PCDHA11: variants seen among roughly 807,000 people sequenced by gnomAD.
PCDHA11 encodes the protein protocadherin alpha-11.
PCDHA11 carries 61 observed loss-of-function variants against 70.3 expected under a neutral mutation model. That is an observed-to-expected ratio of 0.87 (90% CI 0.71 to 1.07). The LOEUF (loss-of-function observed/expected upper bound fraction) is 1.07. Among genes scored for constraint, PCDHA11 ranks in the 50% least tolerant of loss-of-function variants. PCDHA11 has a pLI of 0.00. For missense variants in PCDHA11, 1,324 were observed against 1,237.5 expected (o/e 1.07, Z -1.05); for synonymous variants, 633 against 555.1 (o/e 1.14, Z -1.97).
chr5:141,003,343 GCT>G (rs1554259027), intron 3 of PCDHA11, among the ~76,000 whole-genome samples: 1 of 152,198 alleles, frequency 6.6e-6, no homozygotes, highest in Non-Finnish European at 1.5e-5. Context: ...TTGTTTGTTT[GCT>G]CTGTCACCCA....
At chr5:140,975,200 C>T (rs1469690831) in intron 1 of PCDHA11, among the ~76,000 whole-genome samples, 1 of 152,224 alleles carries the variant, frequency 6.6e-6, no homozygotes, top group Non-Finnish European at 1.5e-5. Context: ...GCTCCATCTT[C>T]ATGGCTGGCA....
At position 140,868,967 on chromosome 5, in the gene PCDHA11, AC is replaced by A; in HGVS notation, c.-136del. The A allele has an allele frequency of 7.0e-7, 1 of 1,435,870 alleles. No homozygotes were observed. The highest frequency in any genetic ancestry group is 1.4e-5 in the African/African-American group (1 of 70,244). 88.9% of individuals were successfully genotyped at this position (1,435,870 alleles called of 1,614,324 possible). On this transcript the variant is annotated 5_prime_UTR_variant, in exon 1 of 4. Coordinates refer to ENST00000398640, the MANE Select transcript of PCDHA11 (RefSeq NM_018902.5). ...CAGTGAGGCACTCCCATACAAAGGAACTCCATCATACCGGATGCCACCGTTT... is the reference window on the plus strand; with the variant it reads ...CAGTGAGGCACTCCCATACAAAGGAATCCATCATACCGGATGCCACCGTTT...
intron 3 of PCDHA11, among the ~76,000 whole-genome samples, chr5:141,007,904 T>C (rs1397513381): frequency 6.6e-6 from 1 of 152,278 alleles, no homozygotes; most frequent in African/African-American, 2.4e-5. Flanking sequence ...TTGTTCTTTG[T>C]TGAAGATGCT....
intron 1 of PCDHA11, among the ~76,000 whole-genome samples, chr5:140,931,914 A>C (rs1374173998): frequency 1.3e-5 from 2 of 151,960 alleles, no homozygotes; most frequent in Admixed American, 1.3e-4. Context: ...AAAGCATGAC[A>C]TTTAACAATG....
chr5:140,905,215 AAGGTG>A (rs2071683869), intron 1 of PCDHA11, among the ~76,000 whole-genome samples: 1 of 152,186 alleles, frequency 6.6e-6, no homozygotes, highest in Non-Finnish European at 1.5e-5. Flanking sequence ...ATTTTTGTGT[AAGGTG>A]AGAGATGAGG....
At chr5:140,996,503 G>A (rs1306027159) in intron 3 of PCDHA11, among the ~76,000 whole-genome samples, 1 of 152,120 alleles carries the variant, frequency 6.6e-6, no homozygotes, top group African/African-American at 2.4e-5. Context: ...TGGCTTCTTG[G>A]GGCCCAGCAT....
rs781870271 is a variant in PCDHA11, at chr5:140,968,199, T to C, written c.2392-10750T>C. The C allele has an allele frequency of 4.3e-6, 7 of 1,613,986 alleles. No homozygotes were observed. The South Asian group carries it at 7.7e-5, about 18-fold the overall frequency. The stretch of plus-strand genomic sequence containing the variant: ...CTGGAGGACTCCTATTCCATCTACA[T>C]ACAGGAGAACAATTTGCCAGGTGTG... On this transcript the variant is annotated intron_variant, in intron 1 of 3. Transcript: ENST00000398640.
At chr5:140,897,566 A>C (rs1461105293) in intron 1 of PCDHA11, among the ~76,000 whole-genome samples, 1 of 151,760 alleles carries the variant, frequency 6.6e-6, no homozygotes, top group Non-Finnish European at 1.5e-5. Flanking sequence ...TATGTGCCAC[A>C]TTTTCTTAAT....
At chr5:140,991,320 A>G (rs1563572656) in intron 3 of PCDHA11, among the ~76,000 whole-genome samples, 1 of 152,216 alleles carries the variant, frequency 6.6e-6, no homozygotes, top group Non-Finnish European at 1.5e-5. Context: ...CGCATGATAC[A>G]TGAAGGGAAT....
chr5:140,971,392 T>C (rs1399891976), intron 1 of PCDHA11, among the ~76,000 whole-genome samples: 1 of 152,154 alleles, frequency 6.6e-6, no homozygotes, highest in East Asian at 1.9e-4. Flanking sequence ...TAAAGGCAAA[T>C]TTCTGCCAGG....
At chr5:140,948,395 T>C (rs1317288202) in intron 1 of PCDHA11, among the ~76,000 whole-genome samples, 1 of 151,580 alleles carries the variant, frequency 6.6e-6, no homozygotes, top group African/African-American at 2.4e-5. Context: ...TTCTGAAAGG[T>C]TGTGTAATAT....
At chr5:140,924,895 AAAAAAAAAAATAAAATAAAATAAAAT>A (rs1157767234) in intron 1 of PCDHA11, among the ~76,000 whole-genome samples, 8 of 132,230 alleles carry the variant, frequency 6.1e-5, no homozygotes, top group East Asian at 2.1e-4. Flanking sequence ...AACCTGTCTC[AAAAAAAAAAATAAAATAAAATAAAAT>A]AAAATAAAAT....
intron 1 of PCDHA11, among the ~76,000 whole-genome samples, chr5:140,978,524 C>G (rs1554239389): frequency 2.0e-5 from 3 of 152,208 alleles, no homozygotes; most frequent in Admixed American, 6.5e-5. Context: ...TCCAGCCAGG[C>G]CAGCAGAACT....
intron 1 of PCDHA11, among the ~76,000 whole-genome samples, chr5:140,953,492 G>T (rs542677103): frequency 6.6e-6 from 1 of 152,188 alleles, no homozygotes; most frequent in East Asian, 1.9e-4. Context: ...TCACAACCTT[G>T]ATCAGCTATT....
intron 1 of PCDHA11, among the ~76,000 whole-genome samples, chr5:140,909,888 C>A (rs1391505487): frequency 6.6e-6 from 1 of 152,172 alleles, no homozygotes; most frequent in Admixed American, 6.5e-5. Flanking sequence ...AGACACTGTT[C>A]AGTAGTCCCT....
chr5:140,927,432 C>G lies in PCDHA11; in HGVS notation c.2392-51517C>G, dbSNP rs781874569. The G allele has an allele frequency of 6.8e-6, 11 of 1,614,124 alleles. No homozygotes were observed. The East Asian group carries it at 2.5e-4, about 36-fold the overall frequency. On this transcript the variant is annotated intron_variant, in intron 1 of 3. Transcript: ENST00000398640. Reference sequence around the variant, plus strand: ...ACATGGGATCGCGGGTTGACGGCAGCGAATACCCGGAGTTGGTGTTGGAGA... The same window carrying G: ...ACATGGGATCGCGGGTTGACGGCAGGGAATACCCGGAGTTGGTGTTGGAGA...
intron 1 of PCDHA11, among the ~76,000 whole-genome samples, chr5:140,977,051 G>T (rs2096743579): frequency 6.6e-6 from 1 of 152,178 alleles, no homozygotes; most frequent in South Asian, 2.1e-4. Flanking sequence ...GTTGCTGATG[G>T]ACTAGTATAG....
At chr5:140,990,155 G>GT (rs1274867030) in intron 3 of PCDHA11, among the ~76,000 whole-genome samples, 4 of 152,076 alleles carry the variant, frequency 2.6e-5, no homozygotes, top group African/African-American at 9.7e-5. Context: ...ATAATAGAAA[G>GT]TTAGGGTATG....
intron 2 of PCDHA11, among the ~76,000 whole-genome samples, chr5:140,979,612 G>A (rs1223690856): frequency 6.6e-6 from 1 of 152,042 alleles, no homozygotes; most frequent in Admixed American, 6.6e-5. Flanking sequence ...CTAGAGTAAC[G>A]GTATTAGTCT....
Sources: gnomAD v4.1 joint callset for allele counts (sites outside exome capture counted in the v4.1 genomes callset) on GRCh38, gnomAD v4.1.1 for gene constraint, MANE v1.5 for transcripts, NCBI Gene and HGNC (gene_info 2026-07-23, HGNC 2026-07-21) for gene names.